The following CDH20 variants were observed in gnomAD, a reference collection of about 807,000 sequenced individuals.
CDH20 encodes the protein cadherin 20, also known as cadherin-20.
In CDH20, 29 loss-of-function variants were observed where a neutral mutation model predicts 74.2. The observed-to-expected ratio is 0.39, with a 90% CI of 0.29 to 0.53. The LOEUF is 0.53. CDH20 is among the 20% of genes least tolerant of loss of function. CDH20 has a pLI of 0.69. For missense variants in CDH20, 988 were observed against 1,048.3 expected (o/e 0.94, Z 0.79); for synonymous variants, 469 against 405.4 (o/e 1.16, Z -1.88).
At chr18:61,360,544 T>G (rs556009695) in intron 1 of CDH20, among the ~76,000 whole-genome samples, 53 of 150,878 alleles carry the variant, frequency 3.5e-4, no homozygotes, top group African/African-American at 4.9e-4. Context: ...GAGGGGAGGG[T>G]AGGGGAGAGC....
chr18:61,420,761 A>G (rs990255700), intron 1 of CDH20, among the ~76,000 whole-genome samples: 2 of 152,096 alleles, frequency 1.3e-5, no homozygotes, highest in African/African-American at 4.8e-5. Flanking sequence ...AAAAACTCCT[A>G]TTAAACAATC....
chr18:61,431,535 C>T (rs1011871993), intron 1 of CDH20, among the ~76,000 whole-genome samples: 39 of 152,104 alleles, frequency 2.6e-4, no homozygotes, highest in African/African-American at 8.9e-4. Context: ...TAAGAGGAAA[C>T]TAATAGGGTA....
chr18:61,336,278 T>C (rs1271765631), intron 1 of CDH20, among the ~76,000 whole-genome samples: 1 of 152,206 alleles, frequency 6.6e-6, no homozygotes, highest in Non-Finnish European at 1.5e-5. Flanking sequence ...CTAACCAAGG[T>C]ATTTTTCCCT....
At chr18:61,352,923 T>C (rs1294505496) in intron 1 of CDH20, among the ~76,000 whole-genome samples, 1 of 152,212 alleles carries the variant, frequency 6.6e-6, no homozygotes, top group Non-Finnish European at 1.5e-5. Context: ...TTGGCCTGCA[T>C]AAAAACACTA....
intron 1 of CDH20, among the ~76,000 whole-genome samples, chr18:61,346,305 A>G (rs1182839560): frequency 1.3e-5 from 2 of 152,186 alleles, no homozygotes; most frequent in African/African-American, 2.4e-5. Context: ...TGACCCCACC[A>G]TTATTAATTT....
intron 1 of CDH20, among the ~76,000 whole-genome samples, chr18:61,349,284 C>T (rs1000404119): frequency 1.3e-5 from 2 of 152,148 alleles, no homozygotes; most frequent in African/African-American, 4.8e-5. Context: ...TGAATTTAAG[C>T]CCTAGAGATT....
chr18:61,415,621 T>C (rs1295151192), intron 1 of CDH20, among the ~76,000 whole-genome samples: 1 of 152,238 alleles, frequency 6.6e-6, no homozygotes. Flanking sequence ...TTTGTGTGTA[T>C]GATTAATTTC....
At chr18:61,343,810 G>T (rs1411340389) in intron 1 of CDH20, among the ~76,000 whole-genome samples, 1 of 152,162 alleles carries the variant, frequency 6.6e-6, no homozygotes, top group Non-Finnish European at 1.5e-5. Context: ...GTGGAGGCCT[G>T]GACCAGGGTC....
chr18:61,364,416 G>A (rs965646865), intron 1 of CDH20, among the ~76,000 whole-genome samples: 12 of 152,246 alleles, frequency 7.9e-5, no homozygotes, highest in African/African-American at 2.2e-4. Context: ...CCATTCAAGC[G>A]ATTCTCCTGC....
At chr18:61,515,188 G>A (rs1599139486) in intron 6 of CDH20, among the ~76,000 whole-genome samples, 1 of 152,286 alleles carries the variant, frequency 6.6e-6, no homozygotes, top group South Asian at 2.1e-4. Flanking sequence ...CCAGGTGCGG[G>A]ATATAATCTC....
chr18:61,507,001 A>G (rs1237590457), intron 5 of CDH20, among the ~76,000 whole-genome samples: 3 of 152,234 alleles, frequency 2.0e-5, no homozygotes, highest in Non-Finnish European at 4.4e-5. Flanking sequence ...TTGTGACCAC[A>G]GTGTTTATCA....
intron 4 of CDH20, among the ~76,000 whole-genome samples, chr18:61,500,912 TCATCCAGTC>T (rs1911358459): frequency 6.6e-6 from 1 of 152,162 alleles, no homozygotes; most frequent in African/African-American, 2.4e-5. Flanking sequence ...CTTGGGGGAA[TCATCCAGTC>T]CATCACCATT....
At chr18:61,528,318 A>G (rs1382848431) in intron 7 of CDH20, 98 bp downstream of exon 7, 6 of 1,268,992 alleles carry the variant, frequency 4.7e-6, no homozygotes, top group African/African-American at 1.5e-5. Context: ...TTTCTTCTCT[A>G]TCCCATTTCT....
intron 1 of CDH20, among the ~76,000 whole-genome samples, chr18:61,436,493 T>C (rs192461405): frequency 9.8e-4 from 149 of 152,320 alleles, no homozygotes; most frequent in African/African-American, 3.4e-3. Context: ...CATTTCCTGA[T>C]GACTAATGAA....
rs188741168 is a variant in CDH20, at chr18:61,436,684, G to A, written c.-152-53718G>A. ...ATTTGTGGGATTTTTAGGCACTGTG[G>A]CATTAGGTAGAAACTATTTGGGACA... On this transcript the variant is annotated intron_variant, in intron 1 of 11. Coordinates refer to ENST00000262717, the MANE Select transcript of CDH20 (RefSeq NM_031891.4). Among the ~76,000 whole-genome samples, 19 of 152,228 alleles carry A rather than the reference G, an allele frequency of 1.2e-4. 2 individuals carry two copies. Among genetic ancestry groups the A allele is most frequent in the Admixed American group, 9.8e-4 (15 of 15,280 alleles).
intron 1 of CDH20, among the ~76,000 whole-genome samples, chr18:61,387,206 A>G (rs1272059471): frequency 6.6e-6 from 1 of 152,182 alleles, no homozygotes; most frequent in Non-Finnish European, 1.5e-5. Context: ...CCAATGACCA[A>G]CAATGTGGTC....
chr18:61,466,569 G>A (rs1909969612), intron 1 of CDH20, among the ~76,000 whole-genome samples: 1 of 152,168 alleles, frequency 6.6e-6, no homozygotes, highest in African/African-American at 2.4e-5. Context: ...CTAGGGGACA[G>A]AGAAGAGGAT....
chr18:61,548,060 C>T (rs1387896420), intron 10 of CDH20, among the ~76,000 whole-genome samples: 1 of 152,016 alleles, frequency 6.6e-6, no homozygotes, highest in East Asian at 1.9e-4. Flanking sequence ...TCTGAAAAAA[C>T]AAGCAATTAA....
chr18:61,485,300 G>A (rs974852483), intron 1 of CDH20, among the ~76,000 whole-genome samples: 5 of 152,202 alleles, frequency 3.3e-5, no homozygotes, highest in African/African-American at 1.2e-4. Context: ...TGTAAACATT[G>A]ATTTTTAAGA....
Sources: allele counts gnomAD v4.1 joint callset (sites outside exome capture counted in the v4.1 genomes callset), GRCh38; gene constraint gnomAD v4.1.1; transcripts MANE v1.5; gene names NCBI Gene and HGNC (gene_info 2026-07-23, HGNC 2026-07-21).